Variants in PARN observed in about 807,000 individuals in gnomAD.
PARN encodes poly(A)-specific ribonuclease PARN.
Under a neutral mutation model 102.8 loss-of-function variants are expected in PARN, and 71 were observed. That is an observed-to-expected ratio of 0.69 (90% CI 0.57 to 0.84). The LOEUF is 0.84. Ranked by LOEUF, PARN falls within the 40% of genes least tolerant of loss-of-function variation. The probability of loss-of-function intolerance (pLI) is 0.00; values close to 1 mark genes in which losing one functional copy is unlikely to be tolerated. For missense variants in PARN, 782 were observed against 760.9 expected, an observed-to-expected ratio of 1.03 and a Z score of -0.33; for synonymous variants, 261 against 252.9, an observed-to-expected ratio of 1.03 and a Z score of -0.30.
intron 22 of PARN, among the ~76,000 whole-genome samples, chr16:14,451,809 G>A (rs1255775645): frequency 3.1e-5 from 3 of 96,628 alleles, no homozygotes. Context: ...AGGAGTTCAA[G>A]AACAGCCTGG....
chr16:14,521,880 A>T (rs919102405), intron 21 of PARN, among the ~76,000 whole-genome samples: 1 of 152,040 alleles, frequency 6.6e-6, no homozygotes, highest in African/African-American at 2.4e-5. Flanking sequence ...TGGTGGTCCC[A>T]TAAGATTATG....
intron 14 of PARN, 35 bp from the exon 15 acceptor site, chr16:14,584,826 A>T: frequency 8.3e-7 from 1 of 1,197,642 alleles, no homozygotes; most frequent in South Asian, 1.4e-5. Flanking sequence ...AACAAAATGT[A>T]TATCAATGTT....
chr16:14,610,428 G>A (rs1971456319), intron 7 of PARN, among the ~76,000 whole-genome samples: 1 of 147,394 alleles, frequency 6.8e-6, no homozygotes, highest in South Asian at 2.1e-4. Context: ...AGCCAGGATT[G>A]CACCAATGCA....
At chr16:14,535,101 T>C (rs183180377) in intron 21 of PARN, among the ~76,000 whole-genome samples, 22 of 152,340 alleles carry the variant, frequency 1.4e-4, no homozygotes, top group Admixed American at 7.2e-4. Flanking sequence ...CCCAAAGTGC[T>C]GGGATTCCAG....
At chr16:14,481,049 A>C (rs975503708) in intron 22 of PARN, among the ~76,000 whole-genome samples, 1 of 152,240 alleles carries the variant, frequency 6.6e-6, no homozygotes, top group African/African-American at 2.4e-5. Context: ...ATGGCATATC[A>C]AACTTGTACT....
At chr16:14,529,178 CA>C in intron 21 of PARN, among the ~76,000 whole-genome samples, 1 of 152,286 alleles carries the variant, frequency 6.6e-6, no homozygotes, top group African/African-American at 2.4e-5. Flanking sequence ...AAGGCTTCCC[CA>C]CAACTACAGG....
At chr16:14,468,720 T>C (rs550934301) in intron 22 of PARN, among the ~76,000 whole-genome samples, 1 of 152,146 alleles carries the variant, frequency 6.6e-6, no homozygotes, top group African/African-American at 2.4e-5. Flanking sequence ...CATTTTATTA[T>C]GAAAACTTCA....
chr16:14,624,083 C>T (rs569998907), intron 5 of PARN, among the ~76,000 whole-genome samples: 4 of 152,274 alleles, frequency 2.6e-5, no homozygotes, highest in Non-Finnish European at 4.4e-5. Flanking sequence ...CAGCCCATTC[C>T]TCCACATCTT....
At position 14,562,336 on chromosome 16, in the gene PARN, T is replaced by C. The variant is rs554158150; in HGVS notation, c.1263-6627A>G. ...AGCCAGGTGTGGTGGCACATGCCTG[T>C]AGTCCGAGCTACTTGGGAGGCTAAG... On this transcript the variant is annotated intron_variant, in intron 18 of 23. Coordinates refer to ENST00000437198, the MANE Select transcript of PARN (RefSeq NM_002582.4). 8.7e-5 allele frequency among the ~76,000 whole-genome samples: 13 copies of C among 149,598 alleles called. No individual in the cohort carries two copies. In the South Asian group the frequency reaches 2.7e-3, roughly 31 times the overall value.
chr16:14,566,714 A>C (rs1285192287), intron 18 of PARN, among the ~76,000 whole-genome samples: 1 of 152,206 alleles, frequency 6.6e-6, no homozygotes, highest in East Asian at 1.9e-4. Context: ...TTTAAATTAT[A>C]ATAATAAACA....
At chr16:14,615,039 G>A (rs962609408) in intron 6 of PARN, among the ~76,000 whole-genome samples, 37 of 152,032 alleles carry the variant, frequency 2.4e-4, no homozygotes, top group African/African-American at 7.0e-4. Flanking sequence ...TTTCCCTCCA[G>A]ACAAGGAAAT....
chr16:14,620,459 C>T (rs1431913667), intron 5 of PARN, among the ~76,000 whole-genome samples: 1 of 152,220 alleles, frequency 6.6e-6, no homozygotes, highest in Non-Finnish European at 1.5e-5. Flanking sequence ...GGAGTTCATA[C>T]TCAAATGAAC....
At chr16:14,588,366 C>G (rs1218358997) in intron 13 of PARN, among the ~76,000 whole-genome samples, 1 of 152,120 alleles carries the variant, frequency 6.6e-6, no homozygotes, top group African/African-American at 2.4e-5. Context: ...GCCTAGAAAA[C>G]AAAGAGTGTG....
intron 13 of PARN, among the ~76,000 whole-genome samples, chr16:14,589,606 C>T (rs996489469): frequency 6.6e-6 from 1 of 151,190 alleles, no homozygotes; most frequent in Non-Finnish European, 1.5e-5. Context: ...TGGCTCATGC[C>T]TGTAATCGCA....
intron 21 of PARN, among the ~76,000 whole-genome samples, chr16:14,517,548 A>G (rs1376690639): frequency 2.0e-5 from 3 of 152,280 alleles, no homozygotes; most frequent in Admixed American, 2.0e-4. Flanking sequence ...AATGAGGTTT[A>G]GAACGAGGAG....
intron 21 of PARN, among the ~76,000 whole-genome samples, chr16:14,549,540 C>G (rs897722817): frequency 4.6e-5 from 7 of 152,180 alleles, no homozygotes; most frequent in African/African-American, 1.7e-4. Context: ...TTAAAAGCTA[C>G]TGTTTTAAGA....
rs369761433 is a variant in PARN, at chr16:14,521,545, T to C, written c.1480+30476A>G. ...CGGGCACGGTGGCTCACGCCTGTAA[T>C]CCCAGCACTTTGGGAGGCTGCGGCG... On this transcript the variant is annotated intron_variant, in intron 21 of 23. Transcript: ENST00000437198. 5.3e-5 allele frequency among the ~76,000 whole-genome samples: 8 copies of C among 152,346 alleles called. No individual in the cohort carries two copies. In the East Asian group the frequency reaches 1.3e-3, roughly 26 times the overall value.
At chr16:14,594,319 A>C (rs1216662811) in intron 12 of PARN, among the ~76,000 whole-genome samples, 12 of 152,182 alleles carry the variant, frequency 7.9e-5, no homozygotes, top group Admixed American at 7.9e-4. Context: ...TGTCTGTCTC[A>C]CACTATATGT....
In PARN at chr16:14,608,280, C is replaced by T; in HGVS notation, c.659+1G>A. ...CTGCTGCATACAATATAAATACTTA[C>T]TTCCAGCTCAAAGTCTGATAAATTA... is the stretch of plus-strand genomic sequence containing the variant. On this transcript the variant is annotated splice_donor_variant, in intron 9 of 23. Transcript: ENST00000437198. LOFTEE classifies it high-confidence loss of function. 6.5e-7 allele frequency: 1 copy of T among 1,534,176 alleles called. No homozygotes were observed. The highest frequency in any genetic ancestry group is 8.8e-7 in the Non-Finnish European group (1 of 1,133,044).
Sources: gnomAD v4.1 joint callset for allele counts (sites outside exome capture counted in the v4.1 genomes callset) on GRCh38, gnomAD v4.1.1 for gene constraint, MANE v1.5 for transcripts, NCBI Gene and HGNC (gene_info 2026-07-23, HGNC 2026-07-21) for gene names.